The following IKZF2 variants were observed in gnomAD, a reference collection of about 807,000 sequenced individuals.
IKZF2 encodes zinc finger protein Helios.
IKZF2 carries 15 observed loss-of-function variants against 49.2 expected under a neutral mutation model. That is an observed-to-expected ratio of 0.30 (90% CI 0.20 to 0.47). The LOEUF (loss-of-function observed/expected upper bound fraction) is 0.47. Among genes scored for constraint, IKZF2 ranks in the 20% least tolerant of loss-of-function variants. The probability of loss-of-function intolerance (pLI) is 1.00; values close to 1 mark genes in which losing one functional copy is unlikely to be tolerated. For missense variants in IKZF2, 567 were observed against 664.6 expected (o/e 0.85, Z 1.61); for synonymous variants, 227 against 221.4 (o/e 1.03, Z -0.23).
chr2:213,027,728 A>T (rs1230667129), intron 6 of IKZF2, among the ~76,000 whole-genome samples: 2 of 151,884 alleles, frequency 1.3e-5, no homozygotes, highest in East Asian at 3.8e-4. Context: ...CCTTTTTTTC[A>T]CTGGGCTACT....
At chr2:213,138,912 G>C (rs578218145) in intron 4 of IKZF2, among the ~76,000 whole-genome samples, 6 of 151,968 alleles carry the variant, frequency 3.9e-5, no homozygotes, top group Non-Finnish European at 8.8e-5. Flanking sequence ...ATCTTTCCTA[G>C]GTGGTAGTGC....
intron 7 of IKZF2, among the ~76,000 whole-genome samples, chr2:213,018,066 T>C (rs895194878): frequency 1.3e-5 from 2 of 152,118 alleles, no homozygotes; most frequent in African/African-American, 4.8e-5. Context: ...TAACAATATA[T>C]ATAGATTTTA....
intron 4 of IKZF2, among the ~76,000 whole-genome samples, chr2:213,129,634 G>A (rs1277788031): frequency 6.6e-6 from 1 of 152,082 alleles, no homozygotes; most frequent in African/African-American, 2.4e-5. Flanking sequence ...GAAAGCTTTT[G>A]TGTTTAAAGC....
At chr2:213,092,282 GC>G (rs1409207921) in intron 4 of IKZF2, among the ~76,000 whole-genome samples, 5 of 152,110 alleles carry the variant, frequency 3.3e-5, no homozygotes, top group Non-Finnish European at 7.4e-5. Context: ...TCCTGCCTTG[GC>G]CTCCCAAAAT....
intron 6 of IKZF2, among the ~76,000 whole-genome samples, chr2:213,035,479 G>A (rs1377418673): frequency 6.6e-6 from 1 of 152,144 alleles, no homozygotes; most frequent in Non-Finnish European, 1.5e-5. Context: ...TATTAAGATA[G>A]AGATAGCAAA....
chr2:213,134,904 T>C (rs1478949444), intron 4 of IKZF2, among the ~76,000 whole-genome samples: 1 of 152,194 alleles, frequency 6.6e-6, no homozygotes, highest in Admixed American at 6.5e-5. Flanking sequence ...TCAAGTGGAG[T>C]CTGTGGCTTG....
chr2:213,150,466 CTCCTCCTCCTCG>C (rs2061245061), intron 1 of IKZF2: 2 of 249,388 alleles, frequency 8.0e-6, no homozygotes, highest in East Asian at 2.1e-4. Flanking sequence ...CCTCCTCCTC[CTCCTCCTCCTCG>C]TCCTCCTCCT....
At chr2:213,038,057 C>G (rs144323120) in intron 6 of IKZF2, among the ~76,000 whole-genome samples, 2,267 of 148,672 alleles carry the variant, frequency 0.015, 35 homozygotes, top group Non-Finnish European at 0.021. Flanking sequence ...GTTTTGTTTT[C>G]TTTTCTTTTC....
intron 4 of IKZF2, among the ~76,000 whole-genome samples, chr2:213,113,532 A>G (rs1270664433): frequency 6.6e-6 from 1 of 152,192 alleles, no homozygotes; most frequent in Non-Finnish European, 1.5e-5. Flanking sequence ...ATGGTATTAA[A>G]ACCTCTAGTA....
chr2:213,114,273 T>C (rs1296256722), intron 4 of IKZF2, among the ~76,000 whole-genome samples: 1 of 152,188 alleles, frequency 6.6e-6, no homozygotes, highest in East Asian at 1.9e-4. Context: ...TTTTTTTTAC[T>C]CTGACAAGTA....
In IKZF2 at chr2:213,006,717, G is replaced by C. The variant is rs1695375325; in HGVS notation, c.*643C>G. ...ATCACAGGACCTCAGATGTATTGTAGGTGGCCCTTAACTACCTGTAGTTTA... is the reference window on the plus strand; with the variant it reads ...ATCACAGGACCTCAGATGTATTGTACGTGGCCCTTAACTACCTGTAGTTTA... On this transcript the variant is annotated 3_prime_UTR_variant, in exon 9 of 9. Coordinates refer to ENST00000434687, the MANE Select transcript of IKZF2 (RefSeq NM_001387220.1). The C allele has an allele frequency of 6.6e-6, 1 of 152,488 alleles. No homozygotes were observed. The allele number at this position is 152,488 out of a possible 1,614,324, so 9.4% of individuals were successfully genotyped here.
At chr2:213,073,867 A>G (rs1341734583) in intron 4 of IKZF2, among the ~76,000 whole-genome samples, 1 of 152,200 alleles carries the variant, frequency 6.6e-6, no homozygotes, top group East Asian at 1.9e-4. Flanking sequence ...AACATCCAGA[A>G]GTAGAAAAAG....
In IKZF2 at chr2:213,003,144, A is replaced by T. The variant is rs1157763078; in HGVS notation, c.*4216T>A. On this transcript the variant is annotated 3_prime_UTR_variant, in exon 9 of 9. Coordinates refer to ENST00000434687, the MANE Select transcript of IKZF2 (RefSeq NM_001387220.1). ...TAAGTGATTTTTAAAAATGCATATTAAAAGTGTTGTACAGCTGCAACAGCT... is the reference window on the plus strand; with the variant it reads ...TAAGTGATTTTTAAAAATGCATATTTAAAGTGTTGTACAGCTGCAACAGCT... 6.6e-6 allele frequency: 1 copy of T among 152,132 alleles called. No homozygotes were observed. Among genetic ancestry groups the T allele is most frequent in the African/African-American group, 2.4e-5 (1 of 41,430 alleles). The allele number at this position is 152,132 out of a possible 1,614,324, so 9.4% of individuals were successfully genotyped here.
chr2:213,046,174 T>C (rs1700137868), intron 6 of IKZF2, among the ~76,000 whole-genome samples: 2 of 152,194 alleles, frequency 1.3e-5, no homozygotes, highest in South Asian at 4.1e-4. Context: ...GGACTCGGAA[T>C]GACAATGTAG....
At chr2:213,120,139 C>T (rs2060005068) in intron 4 of IKZF2, among the ~76,000 whole-genome samples, 1 of 152,146 alleles carries the variant, frequency 6.6e-6, no homozygotes, top group Non-Finnish European at 1.5e-5. Flanking sequence ...CTATTCTCTG[C>T]CAGGTACAGT....
intron 4 of IKZF2, among the ~76,000 whole-genome samples, chr2:213,126,103 G>C (rs1347116410): frequency 6.6e-6 from 1 of 152,040 alleles, no homozygotes; most frequent in Non-Finnish European, 1.5e-5. Context: ...TCTCTATTTA[G>C]ACTGCTCTTT....
At chr2:213,088,757 C>T (rs1704966395) in intron 4 of IKZF2, among the ~76,000 whole-genome samples, 1 of 151,870 alleles carries the variant, frequency 6.6e-6, no homozygotes, top group South Asian at 2.1e-4. Context: ...GACTCTGTCT[C>T]AAAATAAATA....
chr2:213,128,648 C>G (rs1361723391), intron 4 of IKZF2, among the ~76,000 whole-genome samples: 1 of 151,634 alleles, frequency 6.6e-6, no homozygotes, highest in Non-Finnish European at 1.5e-5. Flanking sequence ...GTTTTTCAGA[C>G]AGAGTCTCAC....
intron 4 of IKZF2, among the ~76,000 whole-genome samples, chr2:213,115,404 T>G (rs996142252): frequency 1.4e-4 from 22 of 152,228 alleles, no homozygotes; most frequent in African/African-American, 5.3e-4. Flanking sequence ...TTTAACCACA[T>G]AGCGAATATT....
Sources: gnomAD v4.1 joint callset for allele counts (sites outside exome capture counted in the v4.1 genomes callset) on GRCh38, gnomAD v4.1.1 for gene constraint, MANE v1.5 for transcripts, NCBI Gene and HGNC (gene_info 2026-07-23, HGNC 2026-07-21) for gene names.